SLCO3A1: variants seen among roughly 807,000 people sequenced by gnomAD.
SLCO3A1 encodes the protein PGE1 transporter.
Under a neutral mutation model 63.1 loss-of-function variants are expected in SLCO3A1, and 27 were observed. The ratio of observed to expected loss-of-function variants is 0.43; its 90% CI spans 0.32 to 0.59. The LOEUF (loss-of-function observed/expected upper bound fraction) is 0.59, where lower values mean the gene tolerates loss of function less well. SLCO3A1 is among the 20% of genes least tolerant of loss of function. The pLI is 0.09. For missense variants in SLCO3A1, 773 were observed against 945.8 expected (o/e 0.82, Z 2.40); for synonymous variants, 473 against 409.9 (o/e 1.15, Z -1.86).
At chr15:92,172,387 A>G (rs915179560) in exon 11 of SLCO3A1, 1 of 152,538 alleles carries the variant, frequency 6.6e-6, no homozygotes, top group African/African-American at 2.4e-5. Context: ...TGTAAAGTAC[A>G]TACTGTACGT....
intron 1 of SLCO3A1, among the ~76,000 whole-genome samples, chr15:91,871,725 A>C (rs1597075186): frequency 2.1e-5 from 2 of 96,032 alleles, no homozygotes; most frequent in African/African-American, 8.4e-5. Flanking sequence ...GCACCTTTTG[A>C]CTTTATGACA....
chr15:91,871,762 T>G (rs1897283750), intron 1 of SLCO3A1, among the ~76,000 whole-genome samples: 1 of 116,706 alleles, frequency 8.6e-6, no homozygotes, highest in Non-Finnish European at 1.7e-5. Flanking sequence ...TTGTTTTTTT[T>G]TGGTTTTTTT....
intron 2 of SLCO3A1, among the ~76,000 whole-genome samples, chr15:91,980,105 C>A (rs1029742369): frequency 1.3e-5 from 2 of 152,126 alleles, no homozygotes; most frequent in African/African-American, 4.8e-5. Context: ...CTGCCTGATT[C>A]CCTTCACTCT....
intron 2 of SLCO3A1, among the ~76,000 whole-genome samples, chr15:92,016,556 A>C (rs1234803777): frequency 6.6e-6 from 1 of 152,192 alleles, no homozygotes; most frequent in Non-Finnish European, 1.5e-5. Flanking sequence ...GGAGGTAGGT[A>C]GTGTGCAGCA....
chr15:91,954,388 G>A lies in SLCO3A1; in HGVS notation c.646+37930G>A, dbSNP rs1297063438. Among the ~76,000 whole-genome samples the A allele has an allele frequency of 3.3e-5, 5 of 152,194 alleles. No homozygotes were observed. Among genetic ancestry groups the A allele is most frequent in the Admixed American group, 6.5e-5 (1 of 15,290 alleles). ...TGCTGAGCCTCAGCCAGGCGGAGAC[G>A]GGCGGGTACTGCACAGAGTGAGGCA... On this transcript the variant is annotated intron_variant, in intron 2 of 9. Transcript: ENST00000318445. This position sits in a 1 kb window ranked among gnomAD's most constrained non-coding sequence, Gnocchi z 4.7.
At chr15:91,991,485 A>G (rs2046125703) in intron 2 of SLCO3A1, among the ~76,000 whole-genome samples, 1 of 152,246 alleles carries the variant, frequency 6.6e-6, no homozygotes, top group East Asian at 1.9e-4. Flanking sequence ...CTCAGCTGCC[A>G]GTGTACAATT....
intron 2 of SLCO3A1, among the ~76,000 whole-genome samples, chr15:92,015,264 T>C (rs2046412495): frequency 6.6e-6 from 1 of 152,144 alleles, no homozygotes; most frequent in Non-Finnish European, 1.5e-5. Flanking sequence ...GCTGTGAAGA[T>C]ACTACCTCAG....
At chr15:92,127,766 G>C (rs2047942801) in intron 6 of SLCO3A1, among the ~76,000 whole-genome samples, 1 of 152,090 alleles carries the variant, frequency 6.6e-6, no homozygotes, top group Non-Finnish European at 1.5e-5. Flanking sequence ...TCAGGACATT[G>C]AATCAATTAG....
chr15:91,916,055 C>A lies in SLCO3A1; in HGVS notation c.243C>A (p.Ile81=). 9 of 1,613,370 alleles carry A rather than the reference C, an allele frequency of 5.6e-6. No individual in the cohort carries two copies. In the Middle Eastern group the frequency reaches 1.3e-3, roughly 237 times the overall value. ...FNLQSADVGV[I]ASSFEIGNLA... ...TGCAGAGCGCTGACGTGGGTGTGAT[C>A]GCTAGCAGCTTCGAGATCGGGAACC... The change falls in exon 2 of 10, where the codon ATC becomes ATA. Residue 81 remains isoleucine, a synonymous_variant. Coordinates refer to ENST00000318445, the MANE Select transcript of SLCO3A1 (RefSeq NM_013272.4). This position sits in a 1 kb window ranked among gnomAD's most constrained non-coding sequence, Gnocchi z 6.2.
downstream of SLCO3A1, among the ~76,000 whole-genome samples, chr15:92,166,328 A>C (rs2048493516): frequency 6.6e-6 from 1 of 152,142 alleles, no homozygotes; most frequent in Non-Finnish European, 1.5e-5. Context: ...TAACAGGCAA[A>C]ATAATAACTG....
At chr15:92,048,107 C>CTCTG (rs2046912137) in intron 2 of SLCO3A1, among the ~76,000 whole-genome samples, 1 of 152,110 alleles carries the variant, frequency 6.6e-6, no homozygotes, top group Non-Finnish European at 1.5e-5. Flanking sequence ...GGAACTGCTT[C>CTCTG]TCTGCTCTGT....
Position 91,860,443 on chromosome 15 carries a change from T to C in SLCO3A1, c.180+6355T>C, listed in dbSNP as rs1897019869. Among the ~76,000 whole-genome samples the C allele has an allele frequency of 6.6e-6, 1 of 152,198 alleles. No homozygotes were observed. The highest frequency in any genetic ancestry group is 6.5e-5 in the Admixed American group (1 of 15,286). ...TAGTCATGTGATAGAGTACTTCTCA[T>C]AGGGTACAGTATTCCACAGTTGCTT... On this transcript the variant is annotated intron_variant, in intron 1 of 9. Coordinates refer to ENST00000318445, the MANE Select transcript of SLCO3A1 (RefSeq NM_013272.4). This position sits in a 1 kb window ranked among gnomAD's most constrained non-coding sequence, Gnocchi z 5.5.
In SLCO3A1 at chr15:92,100,437, C is replaced by T. The variant is rs1485951620; in HGVS notation, c.746-3842C>T. On this transcript the variant is annotated intron_variant, in intron 3 of 9. Coordinates refer to ENST00000318445, the MANE Select transcript of SLCO3A1 (RefSeq NM_013272.4). ...CTACCTCATTTTATTCAACATCTTT[C>T]TTCATCCATGTGTCTAGTTTTGTTG... Among the ~76,000 whole-genome samples the T allele has an allele frequency of 2.0e-5, 3 of 152,340 alleles. No homozygotes were observed. The East Asian group carries it at 5.8e-4, about 29-fold the overall frequency.
intron 2 of SLCO3A1, among the ~76,000 whole-genome samples, chr15:92,062,006 C>G (rs938690316): frequency 6.6e-6 from 1 of 152,182 alleles, no homozygotes. Flanking sequence ...TCACACCCAG[C>G]CCTCCCTGGA....
intron 2 of SLCO3A1, among the ~76,000 whole-genome samples, chr15:92,023,246 A>G (rs2046531872): frequency 6.6e-6 from 1 of 152,186 alleles, no homozygotes. Flanking sequence ...CTTAAACTGA[A>G]TCCACCTTTC....
intron 2 of SLCO3A1, among the ~76,000 whole-genome samples, chr15:91,925,805 C>T (rs1898993110): frequency 6.6e-6 from 1 of 152,134 alleles, no homozygotes; most frequent in South Asian, 2.1e-4. Context: ...GAAAAGTAGA[C>T]CAAGGAAAAG....
chr15:91,912,924 T>A lies in SLCO3A1; in HGVS notation c.181-3069T>A, dbSNP rs553538062. ...TCCCAGGTCTTTAGGCTGCCTTCCT[T>A]TTTGTTGCCACATTGCATCACCTAT... On this transcript the variant is annotated intron_variant, in intron 1 of 9. Transcript: ENST00000318445. The surrounding 1 kb of genome is among the most constrained non-coding windows in gnomAD (Gnocchi z 5.0). Among the ~76,000 whole-genome samples the A allele has an allele frequency of 8.5e-5, 13 of 152,314 alleles. No individual in the cohort carries two copies. The South Asian group carries it at 2.5e-3, about 29-fold the overall frequency.
intron 2 of SLCO3A1, among the ~76,000 whole-genome samples, chr15:92,010,813 T>C (rs534566029): frequency 2.0e-5 from 3 of 152,274 alleles, no homozygotes; most frequent in African/African-American, 7.2e-5. Context: ...GGGGCCCTGA[T>C]TGTTTTCACA....
intron 2 of SLCO3A1, among the ~76,000 whole-genome samples, chr15:92,088,578 G>A (rs920693942): frequency 1.3e-5 from 2 of 152,112 alleles, no homozygotes; most frequent in Non-Finnish European, 2.9e-5. Flanking sequence ...ATCCATATTG[G>A]GTCCTACTGG....
Sources: gnomAD v4.1 joint callset for allele counts (sites outside exome capture counted in the v4.1 genomes callset) on GRCh38, gnomAD v4.1.1 for gene constraint, Gnocchi (gnomAD v3.1) non-coding constraint, MANE v1.5 for transcripts, NCBI Gene and HGNC (gene_info 2026-07-23, HGNC 2026-07-21) for gene names.